Variants in CMYA5 observed in about 807,000 individuals in gnomAD.
The protein encoded by CMYA5 is cardiomyopathy-associated protein 5.
CMYA5 carries 246 observed loss-of-function variants against 318.9 expected under a neutral mutation model. The observed-to-expected ratio is 0.77, with a 90% CI of 0.70 to 0.86. CMYA5 has a LOEUF of 0.86. Among genes scored for constraint, CMYA5 ranks in the 40% least tolerant of loss-of-function variants. The pLI, the probability that CMYA5 is intolerant of heterozygous loss-of-function variation, is 0.00. For synonymous variants in CMYA5, 1,641 were observed against 1,729.5 expected (o/e 0.95, Z 1.27); for missense variants, 4,589 against 4,678.2 (o/e 0.98, Z 0.56).
chr5:79,791,552 C>CT (rs1829180251), intron 11 of CMYA5, among the ~76,000 whole-genome samples: 1 of 151,910 alleles, frequency 6.6e-6, no homozygotes, highest in African/African-American at 2.4e-5. Context: ...GAGACTCCAT[C>CT]TCTACTAAAA....
In CMYA5 at chr5:79,763,170, A is replaced by G. The variant is rs770999331; in HGVS notation, c.11516A>G (p.Glu3839Gly). ...GAGGCCACGGAGACCTACACTCTGGAGTACTGCAGACAGCACTCTCCTGAG... is the reference window on the plus strand; with the variant it reads ...GAGGCCACGGAGACCTACACTCTGGGGTACTGCAGACAGCACTCTCCTGAG... ...TPEATETYTL[E>G]YCRQHSPEGE... The change falls in exon 9 of 13, where the codon GAG (glutamate) becomes GGG (glycine). Residue 3839 changes from glutamate to glycine, a missense_variant. Glu to Gly is a moderately conservative substitution (Grantham distance 98, BLOSUM62 -2). Around this residue, in one of 3 missense-constraint regions of CMYA5, gnomAD observed 2,431 missense variants for 2,495.1 expected, o/e 0.97. Coordinates refer to ENST00000446378, the MANE Select transcript of CMYA5 (RefSeq NM_153610.5). The G allele has an allele frequency of 3.7e-6, 6 of 1,611,748 alleles. No individual in the cohort carries two copies. Among genetic ancestry groups the G allele is most frequent in the Non-Finnish European group, 5.1e-6 (6 of 1,179,244 alleles).
chr5:79,700,141 C>T (rs1053869967), intron 1 of CMYA5, among the ~76,000 whole-genome samples: 1 of 152,234 alleles, frequency 6.6e-6, no homozygotes, highest in Non-Finnish European at 1.5e-5. Context: ...TTCATACTTG[C>T]TGCTCAACCT....
In CMYA5 at chr5:79,763,208, A is replaced by C. The variant is rs761715202; in HGVS notation, c.11554A>C (p.Arg3852=). The change falls in exon 9 of 13, where the codon AGA becomes CGA. Residue 3852 remains arginine, a splice_region_variant and synonymous_variant. Transcript: ENST00000446378. The stretch of plus-strand genomic sequence containing the variant: ...GCACTCTCCTGAGGGAGAGGGCCTC[A>C]GGTGAGGGGCCCTCTCCATGGGAGA... ...RQHSPEGEGL[R]SFSGIKGLQL... is the part of the protein sequence containing the mutation. 4 of 1,598,544 alleles carry C rather than the reference A, an allele frequency of 2.5e-6. No homozygotes were observed. In the South Asian group the frequency reaches 3.4e-5, roughly 14 times the overall value.
rs1355465707 is a variant in CMYA5 at position 79,738,604 on chromosome 5, G to A, written c.9839G>A (p.Gly3280Glu). 2 of 1,613,724 alleles carry A rather than the reference G, an allele frequency of 1.2e-6. No individual in the cohort carries two copies. The highest frequency in any genetic ancestry group is 1.7e-5 in the Admixed American group (1 of 59,986). The change falls in exon 2 of 13, where the codon GGG becomes GAG. Residue 3280 changes from glycine (G) to glutamate (E), a missense_variant. Coordinates refer to ENST00000446378, the MANE Select transcript of CMYA5 (RefSeq NM_153610.5). Reference sequence around the variant, plus strand: ...TCATACCAACCGATAGCTGCAGAAGGGGAAATTTGGGGAAAGTTTGGAACT... The same window carrying A: ...TCATACCAACCGATAGCTGCAGAAGAGGAAATTTGGGGAAAGTTTGGAACT... ...DDSYQPIAAEGEIWGKFGTIC... is the reference protein window; with the variant it reads ...DDSYQPIAAEEEIWGKFGTIC...
chr5:79,777,975 A>G (rs974015553), intron 9 of CMYA5: 1 of 151,056 alleles, frequency 6.6e-6, no homozygotes, highest in Non-Finnish European at 1.5e-5. Flanking sequence ...CAAAAATTAG[A>G]CAGGTGCAGT....
intron 9 of CMYA5, among the ~76,000 whole-genome samples, chr5:79,773,548 T>G (rs190812344): frequency 2.9e-4 from 44 of 152,334 alleles, no homozygotes; most frequent in African/African-American, 1.0e-3. Flanking sequence ...CTCCAAAAAT[T>G]GATCCAGAGG....
intron 8 of CMYA5, chr5:79,762,234 A>G: frequency 3.3e-6 from 1 of 302,748 alleles, no homozygotes; most frequent in African/African-American, 2.1e-5. Context: ...GGGGCACCCA[A>G]GTTGGCCTGG....
intron 9 of CMYA5, among the ~76,000 whole-genome samples, chr5:79,771,068 GA>G (rs200789494): frequency 0.13 from 13,254 of 99,360 alleles, 670 homozygotes; most frequent in East Asian, 0.32. Flanking sequence ...AGGGAGAGAG[GA>G]AAAAAAAAAA....
In CMYA5 at chr5:79,735,809, G is replaced by C. The variant is rs763674694; in HGVS notation, c.7044G>C (p.Lys2348Asn). The C allele has an allele frequency of 9.7e-6, 15 of 1,550,262 alleles. No homozygotes were observed. Among genetic ancestry groups the C allele is most frequent in the African/African-American group, 1.4e-5 (1 of 72,196 alleles). The change falls in exon 2 of 13, where the codon AAG becomes AAC. Residue 2348 changes from lysine to asparagine, a missense_variant. Around this residue, in one of 3 missense-constraint regions of CMYA5, gnomAD observed 2,431 missense variants for 2,495.1 expected, o/e 0.97. Coordinates refer to ENST00000446378, the MANE Select transcript of CMYA5 (RefSeq NM_153610.5). ...PHVTDSKRVQKPAIAPPSKWN... is the reference protein window; with the variant it reads ...PHVTDSKRVQNPAIAPPSKWN... ...TTACTGATAGTAAAAGAGTCCAGAA[G>C]CCAGCAATCGCTCCTCCATCTAAAT... is the stretch of plus-strand genomic sequence containing the variant.
chr5:79,734,048 TA>T lies in CMYA5; in HGVS notation c.5288del (p.Lys1763ArgfsTer7). 6.2e-7 allele frequency: 1 copy of T among 1,613,778 alleles called. No individual in the cohort carries two copies. The highest frequency in any genetic ancestry group is 8.5e-7 in the Non-Finnish European group (1 of 1,179,838). Reference protein sequence around the residue: ...SEEVSHPADFKKGGNQEIGPL... With the variant: ...SEEVSHPADFXKGGNQEIGPL... ...AGGAGGTTAGCCATCCAGCCGACTT[TA>T]AAAAGGGAGGAAATCAAGAAATAGG... On this transcript the variant is annotated frameshift_variant, in exon 2 of 13. Coordinates refer to ENST00000446378, the MANE Select transcript of CMYA5 (RefSeq NM_153610.5). LOFTEE classifies it high-confidence loss of function.
Position 79,700,533 on chromosome 5 carries a change from A to T in CMYA5, c.149+10477A>T, listed in dbSNP as rs185051050. Among the ~76,000 whole-genome samples, 14 of 152,356 alleles carry T rather than the reference A, an allele frequency of 9.2e-5. No homozygotes were observed. The East Asian group carries it at 2.5e-3, about 27-fold the overall frequency. ...TTTTAAAAAGACAACCCAATTTAAA[A>T]ATAGGCAAAGGATCTGAATAGAAGT... On this transcript the variant is annotated intron_variant, in intron 1 of 12. Transcript: ENST00000446378.
intron 1 of CMYA5, among the ~76,000 whole-genome samples, chr5:79,711,138 T>A (rs1827381802): frequency 6.8e-6 from 1 of 148,096 alleles, no homozygotes; most frequent in African/African-American, 2.7e-5. Context: ...TTTTTCCCCC[T>A]GTGGAATTTT....
intron 1 of CMYA5, among the ~76,000 whole-genome samples, chr5:79,722,108 A>G (rs2151081667): frequency 6.6e-6 from 1 of 152,342 alleles, no homozygotes; most frequent in African/African-American, 2.4e-5. Flanking sequence ...TTCATACAAA[A>G]TAAATTCTCT....
In CMYA5 at chr5:79,731,554, C is replaced by A. The variant is rs766224872; in HGVS notation, c.2789C>A (p.Ser930Ter). The A allele has an allele frequency of 6.2e-6, 10 of 1,608,364 alleles. No individual in the cohort carries two copies. Among genetic ancestry groups the A allele is most frequent in the Non-Finnish European group, 8.5e-6 (10 of 1,177,402 alleles). Residue 930 changes from serine to a stop codon, truncating the protein, a stop_gained, in exon 2 of 13, where the codon TCA (serine) becomes TAA (stop). Transcript: ENST00000446378. LOFTEE classifies it high-confidence loss of function. ...TCTCTAAATCTAAAAGGTGCATCCTCACCCATGAATTTATCAGAAGAAGAT... is the reference window on the plus strand; with the variant it reads ...TCTCTAAATCTAAAAGGTGCATCCTAACCCATGAATTTATCAGAAGAAGAT... ...HRSLNLKGAS[S>*]PMNLSEEDQE...
At chr5:79,773,034 C>T (rs1561226929) in intron 9 of CMYA5, among the ~76,000 whole-genome samples, 1 of 152,262 alleles carries the variant, frequency 6.6e-6, no homozygotes, top group Middle Eastern at 3.4e-3. Flanking sequence ...TATTAGAACC[C>T]CATTCTTCAC....
intron 5 of CMYA5, 134 bp downstream of exon 5, chr5:79,747,247 G>C: frequency 1.4e-6 from 1 of 717,626 alleles, no homozygotes; most frequent in South Asian, 2.8e-5. Flanking sequence ...TTCACTTTTA[G>C]ACACAGTGCT....
rs768025299 is a variant in CMYA5 at position 79,732,985 on chromosome 5, C to G, written c.4220C>G (p.Ala1407Gly). The G allele has an allele frequency of 6.2e-7, 1 of 1,613,316 alleles. No homozygotes were observed. ...GSGLPPLVTS[A>G]DEHSVLAEED... is the part of the protein sequence containing the mutation. ...GGTTTGCCACCACTGGTAACATCTG[C>G]AGATGAACATTCAGTTCTTGCAGAA... The change falls in exon 2 of 13, where the codon GCA becomes GGA. Residue 1407 changes from alanine (A) to glycine (G), a missense_variant. This residue lies in a region of CMYA5 where 2,132 missense variants were observed against 2,131.3 expected (regional missense o/e 1.00). Transcript: ENST00000446378.
At chr5:79,698,976 G>A (rs985640143) in intron 1 of CMYA5, among the ~76,000 whole-genome samples, 31 of 152,182 alleles carry the variant, frequency 2.0e-4, no homozygotes, top group Admixed American at 9.8e-4. Context: ...TGGGGAACAC[G>A]GTGAAACCCC....
intron 1 of CMYA5, among the ~76,000 whole-genome samples, chr5:79,726,317 GT>G (rs1827748163): frequency 6.6e-6 from 1 of 152,146 alleles, no homozygotes; most frequent in African/African-American, 2.4e-5. Context: ...CCAGATGCAT[GT>G]CATAACCTTA....
Sources: gnomAD v4.1 joint callset for allele counts (sites outside exome capture counted in the v4.1 genomes callset) on GRCh38, gnomAD v4.1.1 for gene constraint, gnomAD v4.1.1 regional missense constraint, MANE v1.5 for transcripts, NCBI Gene and HGNC (gene_info 2026-07-23, HGNC 2026-07-21) for gene names.